GHR: variants seen among roughly 807,000 people sequenced by gnomAD.
The protein encoded by GHR is GH receptor.
Under a neutral mutation model 67.1 loss-of-function variants are expected in GHR, and 35 were observed. That is an observed-to-expected ratio of 0.52 (90% CI 0.40 to 0.69). The LOEUF (loss-of-function observed/expected upper bound fraction) is 0.69. GHR is among the 30% of genes least tolerant of loss of function. The pLI is 0.00. For synonymous variants in GHR, 272 were observed against 269.1 expected, an observed-to-expected ratio of 1.01 and a Z score of -0.10; for missense variants, 792 against 764.6, an observed-to-expected ratio of 1.04 and a Z score of -0.42.
chr5:42,681,380 G>T (rs1047474539), intron 3 of GHR, among the ~76,000 whole-genome samples: 5 of 152,114 alleles, frequency 3.3e-5, no homozygotes, highest in Admixed American at 6.5e-5. Context: ...CTGGTCATCA[G>T]AGAAATGCAA....
chr5:42,557,985 A>G (rs1749404144), intron 1 of GHR, among the ~76,000 whole-genome samples: 1 of 152,194 alleles, frequency 6.6e-6, no homozygotes, highest in Non-Finnish European at 1.5e-5. Flanking sequence ...CAGTCAGTGA[A>G]TTAATGTTGG....
intron 2 of GHR, among the ~76,000 whole-genome samples, chr5:42,609,406 G>A (rs1368695472): frequency 2.0e-5 from 3 of 152,112 alleles, no homozygotes; most frequent in Non-Finnish European, 4.4e-5. Context: ...CAACAAATGG[G>A]GAGTAACCAG....
intron 1 of GHR, chr5:42,468,465 A>G: frequency 1.2e-6 from 1 of 828,402 alleles, no homozygotes; most frequent in Non-Finnish European, 1.9e-6. Context: ...CGCAGCTGAG[A>G]GGCCCGACCA....
At chr5:42,488,786 A>G (rs1427807344) in intron 1 of GHR, among the ~76,000 whole-genome samples, 1 of 152,228 alleles carries the variant, frequency 6.6e-6, no homozygotes, top group Non-Finnish European at 1.5e-5. Flanking sequence ...AGTCATCACC[A>G]TCTTTATCGC....
intron 3 of GHR, among the ~76,000 whole-genome samples, chr5:42,640,755 C>G (rs1372011303): frequency 1.4e-5 from 2 of 141,354 alleles, no homozygotes; most frequent in Non-Finnish European, 3.0e-5. Flanking sequence ...ACATCTTATT[C>G]CATATCATAT....
chr5:42,617,406 A>G (rs1753215472), intron 2 of GHR, among the ~76,000 whole-genome samples: 2 of 151,824 alleles, frequency 1.3e-5, no homozygotes, highest in South Asian at 4.2e-4. Flanking sequence ...ACACACACAC[A>G]CACACACACA....
intron 2 of GHR, among the ~76,000 whole-genome samples, chr5:42,627,999 G>GA (rs1256054797): frequency 6.6e-6 from 1 of 152,208 alleles, no homozygotes; most frequent in African/African-American, 2.4e-5. Flanking sequence ...TGGGGATGGA[G>GA]TGGGAAGGTG....
intron 1 of GHR, among the ~76,000 whole-genome samples, chr5:42,506,389 A>G (rs1746779012): frequency 6.6e-6 from 1 of 152,220 alleles, no homozygotes; most frequent in Admixed American, 6.5e-5. Flanking sequence ...AATTTACATG[A>G]CCAAGATTAA....
At chr5:42,715,020 A>T in intron 8 of GHR, 1 of 371,144 alleles carries the variant, frequency 2.7e-6, no homozygotes, top group Non-Finnish European at 5.2e-6. Flanking sequence ...GGAAGAAAAA[A>T]TTATCCTCTC....
At chr5:42,596,618 T>A (rs1456772979) in intron 2 of GHR, among the ~76,000 whole-genome samples, 1 of 152,190 alleles carries the variant, frequency 6.6e-6, no homozygotes, top group Non-Finnish European at 1.5e-5. Flanking sequence ...ACATATGTTA[T>A]GTTGGAACTT....
At chr5:42,689,849 A>G (rs1757341641) in intron 4 of GHR, among the ~76,000 whole-genome samples, 1 of 152,210 alleles carries the variant, frequency 6.6e-6, no homozygotes, top group Non-Finnish European at 1.5e-5. Context: ...TTCTAACCAG[A>G]TAATACACTC....
At chr5:42,456,714 A>G (rs1156334343) in intron 1 of GHR, among the ~76,000 whole-genome samples, 1 of 152,194 alleles carries the variant, frequency 6.6e-6, no homozygotes, top group Non-Finnish European at 1.5e-5. Flanking sequence ...ATCTCCAATT[A>G]TTTGAATTGC....
intron 1 of GHR, among the ~76,000 whole-genome samples, chr5:42,427,603 A>AAAACC (rs1411442337): frequency 6.6e-6 from 1 of 152,150 alleles, no homozygotes; most frequent in Non-Finnish European, 1.5e-5. Flanking sequence ...CTCACATTTC[A>AAAACC]AAACCAATCA....
chr5:42,511,508 A>T (rs1747013822), intron 1 of GHR, among the ~76,000 whole-genome samples: 1 of 152,242 alleles, frequency 6.6e-6, no homozygotes, highest in Non-Finnish European at 1.5e-5. Flanking sequence ...AGCACATACA[A>T]GGCATTTACT....
chr5:42,629,155 T>A lies in GHR; in HGVS notation c.136+52T>A. ...TTCAATGATATTTTCCATGTTTTAG[T>A]GTAATTAAGCTACTATCCTTTCTCT... On this transcript the variant is annotated intron_variant, in intron 3 of 9. Coordinates refer to ENST00000230882, the MANE Select transcript of GHR (RefSeq NM_000163.5). The A allele has an allele frequency of 3.2e-6, 3 of 933,216 alleles. 1 individual carries two copies. Among genetic ancestry groups the A allele is most frequent in the Non-Finnish European group, 5.1e-6 (3 of 591,700 alleles). The allele number at this position is 933,216 out of a possible 1,614,324, so 57.8% of individuals were successfully genotyped here. A position where few individuals can be genotyped will look rare whatever the true frequency, so the allele number is the denominator to read the frequency against.
intron 2 of GHR, among the ~76,000 whole-genome samples, chr5:42,596,484 A>G (rs150107017): frequency 6.6e-6 from 1 of 152,318 alleles, no homozygotes; most frequent in Admixed American, 6.5e-5. Flanking sequence ...GCCTTTTCAC[A>G]CTGTAGGGCA....
At chr5:42,591,122 T>TA (rs2112593300) in intron 2 of GHR, among the ~76,000 whole-genome samples, 1 of 152,282 alleles carries the variant, frequency 6.6e-6, no homozygotes, top group South Asian at 2.1e-4. Flanking sequence ...CAGCCCTGAT[T>TA]AAAAAGAACA....
At chr5:42,663,374 C>T (rs1375771051) in intron 3 of GHR, among the ~76,000 whole-genome samples, 2 of 152,188 alleles carry the variant, frequency 1.3e-5, no homozygotes, top group Non-Finnish European at 2.9e-5. Flanking sequence ...AATCCAGCAG[C>T]ACATCAAAAA....
At chr5:42,475,720 C>T (rs963631626) in intron 1 of GHR, among the ~76,000 whole-genome samples, 2 of 151,638 alleles carry the variant, frequency 1.3e-5, no homozygotes, top group Non-Finnish European at 2.9e-5. Context: ...GCAGAATCAG[C>T]GAAAAGTCAG....
Sources: gnomAD v4.1 joint callset for allele counts (sites outside exome capture counted in the v4.1 genomes callset) on GRCh38, gnomAD v4.1.1 for gene constraint, MANE v1.5 for transcripts, NCBI Gene and HGNC (gene_info 2026-07-23, HGNC 2026-07-21) for gene names.